Variants in CGGBP1 observed in about 807,000 individuals in gnomAD.
CGGBP1 encodes CGG triplet repeat binding protein 1.
CGGBP1 carries 4 observed loss-of-function variants against 11.4 expected under a neutral mutation model. The ratio of observed to expected loss-of-function variants is 0.35; its 90% confidence interval spans 0.17 to 0.80. The LOEUF is 0.80. Among genes scored for constraint, CGGBP1 ranks in the 30% least tolerant of loss-of-function variants. The pLI, the probability that CGGBP1 is intolerant of heterozygous loss-of-function variation, is 0.52. For synonymous variants in CGGBP1, 76 were observed against 74.1 expected, an observed-to-expected ratio of 1.03 and a Z score of -0.13; for missense variants, 135 against 202.1, an observed-to-expected ratio of 0.67 and a Z score of 2.01.
intron 2 of CGGBP1, among the ~76,000 whole-genome samples, chr3:88,093,622 A>G (rs1310683598): frequency 1.3e-5 from 2 of 152,182 alleles, no homozygotes; most frequent in Non-Finnish European, 2.9e-5. Context: ...TTGAGTGGCT[A>G]GATATTCTTG....
intron 2 of CGGBP1, among the ~76,000 whole-genome samples, chr3:88,103,445 A>G (rs1414584545): frequency 6.6e-6 from 1 of 152,206 alleles, no homozygotes; most frequent in Non-Finnish European, 1.5e-5. Flanking sequence ...CCAAACTAAA[A>G]GGCAAGGAGA....
chr3:88,119,549 TAAAAA>T (rs56122963), intron 2 of CGGBP1, among the ~76,000 whole-genome samples: 1 of 142,084 alleles, frequency 7.0e-6, no homozygotes, highest in African/African-American at 2.6e-5. Flanking sequence ...AATAATAAAT[TAAAAA>T]AAAAAAAACA....
At chr3:88,129,944 T>G in intron 2 of CGGBP1, 1 of 947,994 alleles carries the variant, frequency 1.1e-6, no homozygotes, top group Non-Finnish European at 1.4e-6. Flanking sequence ...AAAAAAAAAT[T>G]GATTGTGCAA....
chr3:88,092,057 A>G (rs1324512006), intron 2 of CGGBP1, among the ~76,000 whole-genome samples: 2 of 152,242 alleles, frequency 1.3e-5, no homozygotes, highest in East Asian at 3.8e-4. Flanking sequence ...ATGACTTACT[A>G]AATAGTAAGA....
At chr3:88,140,517 G>A (rs766707695) in intron 2 of CGGBP1, 2 of 1,613,614 alleles carry the variant, frequency 1.2e-6, no homozygotes, top group Non-Finnish European at 1.7e-6. Context: ...TGATGACACT[G>A]TTTCAAATAT....
intron 2 of CGGBP1, chr3:88,135,000 G>C: frequency 8.5e-7 from 1 of 1,175,926 alleles, no homozygotes; most frequent in Non-Finnish European, 1.1e-6. Flanking sequence ...GGGAAAGATA[G>C]CTAATGTCTG....
chr3:88,092,733 A>G (rs1202969542), intron 2 of CGGBP1, among the ~76,000 whole-genome samples: 1 of 152,202 alleles, frequency 6.6e-6, no homozygotes, highest in African/African-American at 2.4e-5. Flanking sequence ...ATATATGTAT[A>G]ACATTTACAA....
intron 2 of CGGBP1, among the ~76,000 whole-genome samples, chr3:88,110,332 A>G (rs529427665): frequency 1.3e-5 from 2 of 152,262 alleles, no homozygotes; most frequent in African/African-American, 4.8e-5. Flanking sequence ...TGCCTATAAT[A>G]GGTCTGTGTT....
chr3:88,104,371 C>T (rs538083700), intron 2 of CGGBP1, among the ~76,000 whole-genome samples: 26 of 152,098 alleles, frequency 1.7e-4, no homozygotes, highest in Non-Finnish European at 2.6e-4. Flanking sequence ...ACTCATGGAC[C>T]GTAGTGTCTC....
intron 2 of CGGBP1, among the ~76,000 whole-genome samples, chr3:88,083,983 AGAAATAGTGTT>A (rs1220303921): frequency 7.3e-5 from 11 of 151,514 alleles, no homozygotes; most frequent in South Asian, 4.1e-4. Context: ...TATTTCAAAG[AGAAATAGTGTT>A]GAAATAGTGT....
At chr3:88,080,326 G>A (rs1485145518) in intron 2 of CGGBP1, among the ~76,000 whole-genome samples, 1 of 152,106 alleles carries the variant, frequency 6.6e-6, no homozygotes, top group Non-Finnish European at 1.5e-5. Context: ...ACTAAAGCAA[G>A]CTTAATTTTG....
chr3:88,065,254 G>T (rs1194043545), intron 2 of CGGBP1, among the ~76,000 whole-genome samples: 1 of 152,000 alleles, frequency 6.6e-6, no homozygotes, highest in East Asian at 1.9e-4. Context: ...GTTGACGGCT[G>T]TATTTGGGGA....
At chr3:88,130,298 A>G (rs1706370103) in intron 2 of CGGBP1, among the ~76,000 whole-genome samples, 1 of 152,180 alleles carries the variant, frequency 6.6e-6, no homozygotes, top group Non-Finnish European at 1.5e-5. Context: ...TTGCTGTTTC[A>G]TTAATTCTTA....
chr3:88,095,580 C>T, intron 2 of CGGBP1: 1 of 520,666 alleles, frequency 1.9e-6, no homozygotes, highest in South Asian at 1.4e-5. Flanking sequence ...ACATAAATTG[C>T]CACAGGAATC....
At chr3:88,060,961 A>G (rs1053310316), upstream of CGGBP1, among the ~76,000 whole-genome samples, 2 of 152,144 alleles carry the variant, frequency 1.3e-5, no homozygotes, top group South Asian at 2.1e-4. Context: ...TTTGAAGAGT[A>G]TGTCAGTTTC....
At chr3:88,133,818 A>G (rs1215648322) in intron 2 of CGGBP1, among the ~76,000 whole-genome samples, 4 of 152,176 alleles carry the variant, frequency 2.6e-5, no homozygotes, top group Non-Finnish European at 5.9e-5. Context: ...AAAGGGTAAC[A>G]TTGAGAAAGA....
intron 2 of CGGBP1, among the ~76,000 whole-genome samples, chr3:88,065,515 C>G (rs1413503612): frequency 6.6e-6 from 1 of 152,030 alleles, no homozygotes; most frequent in African/African-American, 2.4e-5. Flanking sequence ...ACTGAAAAGA[C>G]ACAGGACACA....
chr3:88,059,543 G>C (rs1576166413), upstream of CGGBP1: 8 of 1,452,102 alleles, frequency 5.5e-6, no homozygotes, highest in East Asian at 2.0e-4. Flanking sequence ...TGTCACCCGG[G>C]TCCTGGGCCT....
In CGGBP1 at chr3:88,137,194, C is replaced by CAAA. The variant is rs11401199; in HGVS notation, c.-229+3773_-229+3775dup. 7.0e-3 allele frequency among the ~76,000 whole-genome samples: 486 copies of CAAA among 69,926 alleles called. 16 individuals are homozygous for CAAA. The highest frequency in any genetic ancestry group is 0.012 in the African/African-American group (182 of 15,422). 45.9% of individuals were successfully genotyped at this position (69,926 alleles called of 152,430 possible). ...TGGGTGACAGTGCGAGACTCTGTCT[C>CAAA]AAAAAAAAAAAAAAAAAAAAAAAAG... On this transcript the variant is annotated intron_variant, in intron 2 of 3. Coordinates refer to the CGGBP1 transcript ENST00000462901.
Sources: gnomAD v4.1 joint callset for allele counts (sites outside exome capture counted in the v4.1 genomes callset) on GRCh38, gnomAD v4.1.1 for gene constraint, MANE v1.5 for transcripts, NCBI Gene and HGNC (gene_info 2026-07-23, HGNC 2026-07-21) for gene names.